Variants in SSH1 observed in about 807,000 individuals in gnomAD.
SSH1 encodes the protein protein phosphatase Slingshot homolog 1.
Under a neutral mutation model 79.7 loss-of-function variants are expected in SSH1, and 43 were observed. That is an observed-to-expected ratio of 0.54 (90% CI 0.42 to 0.70). The LOEUF is 0.70. SSH1 is among the 30% of genes least tolerant of loss of function. The probability of loss-of-function intolerance (pLI) is 0.00; values close to 1 mark genes in which losing one functional copy is unlikely to be tolerated. For missense variants in SSH1, 1,206 were observed against 1,358.8 expected, an observed-to-expected ratio of 0.89 and a Z score of 1.77; for synonymous variants, 599 against 538.3, an observed-to-expected ratio of 1.11 and a Z score of -1.56.
chr12:108,826,613 T>C (rs888531), intron 2 of SSH1, among the ~76,000 whole-genome samples: 35,040 of 152,048 alleles, frequency 0.23, 4,940 homozygotes, highest in South Asian at 0.43. Flanking sequence ...AGAAAGTCTC[T>C]GTGACCCGGC....
chr12:108,800,068 T>C (rs1593028245), intron 12 of SSH1, among the ~76,000 whole-genome samples: 2 of 152,186 alleles, frequency 1.3e-5, no homozygotes, highest in African/African-American at 4.8e-5. Context: ...GTTTGTCTCC[T>C]GGGAATATAA....
intron 2 of SSH1, among the ~76,000 whole-genome samples, chr12:108,840,752 TA>T (rs1422119750): frequency 1.3e-5 from 2 of 152,180 alleles, no homozygotes; most frequent in Non-Finnish European, 2.9e-5. Flanking sequence ...ACTTTCTTTC[TA>T]AACGGACGCT....
chr12:108,811,187 G>T (rs1317056470), intron 6 of SSH1, 73 bp downstream of exon 6: 1 of 1,356,448 alleles, frequency 7.4e-7, no homozygotes, highest in African/African-American at 1.4e-5. Flanking sequence ...ATCATCCAAG[G>T]ATGCCTGAAC....
chr12:108,813,590 GT>G (rs2037729374), intron 5 of SSH1, among the ~76,000 whole-genome samples: 1 of 151,494 alleles, frequency 6.6e-6, no homozygotes, highest in South Asian at 2.1e-4. Context: ...GCATGTGCCT[GT>G]GGCCTCGGCT....
Position 108,786,449 on chromosome 12 carries a change from T to G in SSH1, c.*1539A>C, listed in dbSNP as rs559105506. 6.6e-6 allele frequency: 1 copy of G among 152,254 alleles called. No individual in the cohort carries two copies. Among genetic ancestry groups the G allele is most frequent in the Non-Finnish European group, 1.5e-5 (1 of 68,058 alleles). 9.4% of individuals were successfully genotyped at this position (152,254 alleles called of 1,614,324 possible). On this transcript the variant is annotated 3_prime_UTR_variant, in exon 15 of 15. Transcript: ENST00000326495. ...TACCCAGTTTCTTCCTACAGGGCCA[T>G]GAGCAGCCCTGTGTGGCAAATCAAA...
chr12:108,831,941 G>A (rs976837013), intron 2 of SSH1, among the ~76,000 whole-genome samples: 3 of 152,154 alleles, frequency 2.0e-5, no homozygotes, highest in Non-Finnish European at 2.9e-5. Context: ...TTGAGACATC[G>A]CACTGTCAAC....
intron 13 of SSH1, among the ~76,000 whole-genome samples, chr12:108,798,228 T>C (rs1339111890): frequency 1.3e-5 from 2 of 152,200 alleles, no homozygotes; most frequent in East Asian, 3.9e-4. Context: ...GAAAATATAC[T>C]ACATCAGCAA....
rs1031455821 is a variant in SSH1, at chr12:108,807,576, G to C, written c.731+57C>G. 1.9e-6 allele frequency: 3 copies of C among 1,569,152 alleles called. No individual in the cohort carries two copies. The highest frequency in any genetic ancestry group is 1.7e-5 in the Admixed American group (1 of 59,620). On this transcript the variant is annotated intron_variant, in intron 8 of 14. Coordinates refer to ENST00000326495, the MANE Select transcript of SSH1 (RefSeq NM_018984.4). This position sits in a 1 kb window ranked among gnomAD's most constrained non-coding sequence, Gnocchi z 5.2. The stretch of plus-strand genomic sequence containing the variant: ...TCAGGGTCGGGCACAGGGCAGGTGG[G>C]GGAGAGGCAGGTGCCTGTGGGCTTG...
Position 108,852,749 on chromosome 12 carries a change from T to C in SSH1, c.70-71A>G. On this transcript the variant is annotated intron_variant, in intron 1 of 14. Transcript: ENST00000326495. ...ACACGCCTCGGGCGGCAGTCTCACATTTTCTACCCCGGTACTGGAAAAAGA... is the reference window on the plus strand; with the variant it reads ...ACACGCCTCGGGCGGCAGTCTCACACTTTCTACCCCGGTACTGGAAAAAGA... 8 of 1,611,328 alleles carry C rather than the reference T, an allele frequency of 5.0e-6. No homozygotes were observed. The South Asian group carries it at 6.6e-5, about 13-fold the overall frequency.
intron 7 of SSH1, among the ~76,000 whole-genome samples, chr12:108,808,576 C>A (rs1488876375): frequency 6.6e-6 from 1 of 152,182 alleles, no homozygotes; most frequent in Non-Finnish European, 1.5e-5. Flanking sequence ...CTAAGACCCA[C>A]AATTAAGCTT....
rs900846370 is a variant in SSH1, at chr12:108,792,435, C to T, written c.1744G>A (p.Gly582Ser). The stretch of plus-strand genomic sequence containing the variant: ...GTCTCCTCCACCTGCAGCAAGGAGC[C>T]GCTCCGACCTTTGGGACTCCCAAAC... The part of the protein sequence containing the change: ...LEFGSPKGRS[G>S]SLLQVEETER... Residue 582 changes from glycine to serine, a missense_variant, in exon 14 of 15, where the codon GGC (glycine) becomes AGC (serine). Around this residue, in one of 5 missense-constraint regions of SSH1, gnomAD observed 709 missense variants for 730.6 expected, o/e 0.97. Coordinates refer to ENST00000326495, the MANE Select transcript of SSH1 (RefSeq NM_018984.4). 16 of 1,614,194 alleles carry T rather than the reference C, an allele frequency of 9.9e-6. No homozygotes were observed. Among genetic ancestry groups the T allele is most frequent in the Non-Finnish European group, 1.4e-5 (16 of 1,180,038 alleles).
At chr12:108,831,183 AG>A (rs1439677225) in intron 2 of SSH1, among the ~76,000 whole-genome samples, 1 of 152,222 alleles carries the variant, frequency 6.6e-6, no homozygotes, top group African/African-American at 2.4e-5. Flanking sequence ...TTGATGGGAC[AG>A]GCTGAGACAA....
chr12:108,790,303 A>C (rs1305075328), intron 14 of SSH1, among the ~76,000 whole-genome samples: 1 of 152,068 alleles, frequency 6.6e-6, no homozygotes, highest in Non-Finnish European at 1.5e-5. Context: ...GGCATGCACC[A>C]CCACAGCCAG....
At chr12:108,832,534 G>A (rs570589183) in intron 2 of SSH1, among the ~76,000 whole-genome samples, 7 of 152,292 alleles carry the variant, frequency 4.6e-5, no homozygotes, top group Admixed American at 4.6e-4. Context: ...CTCTCAGTGA[G>A]GCTCTGGATG....
chr12:108,818,272 G>C lies in SSH1; in HGVS notation c.256C>G (p.Arg86Gly), dbSNP rs761820301. Residue 86 changes from arginine (R) to glycine (G), a missense_variant, in exon 4 of 15, where the codon CGT becomes GGT. Transcript: ENST00000326495. ...ACCAGCTTGATTCTGTCTTCGCAAC[G>C]CAGAAGGTTGATCATCACCTGAAGA... is the stretch of plus-strand genomic sequence containing the variant. ...QHLQVMINLL[R>G]CEDRIKLAVR... is the part of the protein sequence containing the mutation. The C allele has an allele frequency of 6.2e-7, 1 of 1,613,666 alleles. No individual in the cohort carries two copies. The highest frequency in any genetic ancestry group is 8.5e-7 in the Non-Finnish European group (1 of 1,179,954).
intron 1 of SSH1, chr12:108,853,197 T>C (rs1323828116): frequency 6.1e-6 from 6 of 985,106 alleles, no homozygotes; most frequent in Non-Finnish European, 1.2e-6. Context: ...AAGCTCTTGA[T>C]GGTTCTCGAA....
At chr12:108,827,906 C>A (rs771756987) in intron 2 of SSH1, among the ~76,000 whole-genome samples, 2 of 152,330 alleles carry the variant, frequency 1.3e-5, no homozygotes, top group Admixed American at 1.3e-4. Flanking sequence ...TGAGGGGACA[C>A]GCCAGGTAGA....
chr12:108,821,474 A>G (rs1189939357), intron 3 of SSH1, among the ~76,000 whole-genome samples: 5 of 152,202 alleles, frequency 3.3e-5, no homozygotes, highest in Non-Finnish European at 5.9e-5. Flanking sequence ...AGTCATCGTA[A>G]TAACAATGAT....
chr12:108,839,686 G>T (rs1188592398), intron 2 of SSH1, among the ~76,000 whole-genome samples: 1 of 150,662 alleles, frequency 6.6e-6, no homozygotes, highest in Non-Finnish European at 1.5e-5. Flanking sequence ...TTCAAGAAAA[G>T]AAAGAAAAAA....
Sources: gnomAD v4.1 joint callset for allele counts (sites outside exome capture counted in the v4.1 genomes callset) on GRCh38, gnomAD v4.1.1 for gene constraint, gnomAD v4.1.1 regional missense constraint, Gnocchi (gnomAD v3.1) non-coding constraint, MANE v1.5 for transcripts, NCBI Gene and HGNC (gene_info 2026-07-23, HGNC 2026-07-21) for gene names.